Variants in RNF13 observed in about 807,000 individuals in gnomAD.
RNF13 encodes ring finger protein 13.
RNF13 carries 19 observed loss-of-function variants against 37.7 expected under a neutral mutation model. The ratio of observed to expected loss-of-function variants is 0.50; its 90% CI spans 0.35 to 0.74. RNF13 has a LOEUF of 0.74. RNF13 is among the 30% of genes least tolerant of loss of function. RNF13 has a pLI of 0.01. For missense variants in RNF13, 375 were observed against 453.0 expected (o/e 0.83, Z 1.56); for synonymous variants, 144 against 157.8 (o/e 0.91, Z 0.65).
intron 8 of RNF13, chr3:149,939,860 G>C: frequency 2.1e-6 from 1 of 467,224 alleles, no homozygotes; most frequent in South Asian, 1.8e-5. Context: ...TGCTGCTCCA[G>C]AGAACAGCCG....
At chr3:149,931,835 A>G (rs913213230) in intron 8 of RNF13, among the ~76,000 whole-genome samples, 6 of 152,102 alleles carry the variant, frequency 3.9e-5, no homozygotes, top group African/African-American at 1.4e-4. Context: ...GCCTCCCTTC[A>G]CTGCTCCCTT....
intron 6 of RNF13, 84 bp from the exon 7 acceptor site, chr3:149,911,894 T>A (rs1717033328): frequency 1.3e-6 from 1 of 767,938 alleles, no homozygotes; most frequent in Non-Finnish European, 2.3e-6. Context: ...TGTCTGTTTT[T>A]AAAAATATTT....
At chr3:149,868,050 A>G (rs1442913255) in intron 3 of RNF13, among the ~76,000 whole-genome samples, 1 of 151,958 alleles carries the variant, frequency 6.6e-6, no homozygotes, top group African/African-American at 2.4e-5. Flanking sequence ...GAAAATGAAA[A>G]AAAATCTTCT....
intron 8 of RNF13, among the ~76,000 whole-genome samples, chr3:149,952,237 T>C (rs1424336895): frequency 6.6e-6 from 1 of 152,130 alleles, no homozygotes; most frequent in Non-Finnish European, 1.5e-5. Context: ...CATTACTATT[T>C]TATTATTGAT....
chr3:149,863,303 G>A (rs1366941592), intron 3 of RNF13, among the ~76,000 whole-genome samples: 1 of 152,122 alleles, frequency 6.6e-6, no homozygotes, highest in African/African-American at 2.4e-5. Context: ...GGTCTTTTTT[G>A]TTGTGGTTGT....
At position 149,960,804 on chromosome 3, in the gene RNF13, G is replaced by A; in HGVS notation, c.846G>A (p.Lys282=). The part of the protein sequence containing the change: ...TKTKKTCPVC[K]QKVVPSQGDS... The stretch of plus-strand genomic sequence containing the variant: ...CCAAAAAAACCTGTCCAGTGTGCAA[G>A]CAAAAAGTTGTTCCTTCTCAAGGCG... The change falls in exon 10 of 10, where the codon AAG becomes AAA. Residue 282 remains lysine (K), a synonymous_variant. Transcript: ENST00000392894. 1 of 1,614,162 alleles carries A rather than the reference G, an allele frequency of 6.2e-7. No homozygotes were observed. Among genetic ancestry groups the A allele is most frequent in the Middle Eastern group, 1.6e-4 (1 of 6,062 alleles).
chr3:149,892,832 G>A (rs73870468), intron 4 of RNF13, among the ~76,000 whole-genome samples: 4,544 of 152,198 alleles, frequency 0.03, 81 homozygotes, highest in South Asian at 0.036. Flanking sequence ...GACCCCTGGG[G>A]TATGACATGT....
chr3:149,940,329 T>TG (rs1720124421), intron 8 of RNF13, among the ~76,000 whole-genome samples: 1 of 152,186 alleles, frequency 6.6e-6, no homozygotes, highest in Non-Finnish European at 1.5e-5. Context: ...ATTTCTACCC[T>TG]CCATCCCTTA....
At chr3:149,956,568 A>G (rs73157038) in intron 8 of RNF13, among the ~76,000 whole-genome samples, 18,024 of 152,242 alleles carry the variant, frequency 0.12, 1,061 homozygotes, top group African/African-American at 0.14. Context: ...AAGAGGAGAC[A>G]ATCTAAGTTC....
At chr3:149,915,764 C>G (rs1013022032) in intron 7 of RNF13, among the ~76,000 whole-genome samples, 3 of 152,140 alleles carry the variant, frequency 2.0e-5, no homozygotes, top group African/African-American at 7.2e-5. Context: ...AATACTGATT[C>G]TACTTACACG....
intron 4 of RNF13, among the ~76,000 whole-genome samples, chr3:149,887,477 T>G (rs1714181168): frequency 6.6e-6 from 1 of 152,186 alleles, no homozygotes; most frequent in Non-Finnish European, 1.5e-5. Flanking sequence ...ATTTTTAAAT[T>G]TTTTGTAGAG....
At chr3:149,947,997 A>G (rs1467904715) in intron 8 of RNF13, among the ~76,000 whole-genome samples, 2 of 151,824 alleles carry the variant, frequency 1.3e-5, no homozygotes, top group South Asian at 2.1e-4. Context: ...TCACCCAGGC[A>G]GGAGTGCAGT....
intron 3 of RNF13, among the ~76,000 whole-genome samples, chr3:149,855,764 A>G (rs1321124885): frequency 1.3e-5 from 2 of 151,912 alleles, no homozygotes; most frequent in Non-Finnish European, 2.9e-5. Context: ...AGGCTGTGCT[A>G]ATTTATTCCC....
intron 3 of RNF13, among the ~76,000 whole-genome samples, chr3:149,868,277 T>C (rs1228558622): frequency 6.6e-6 from 1 of 151,850 alleles, no homozygotes; most frequent in African/African-American, 2.4e-5. Context: ...TTTGTCTATG[T>C]ACTTAATTGT....
chr3:149,911,878 T>C, intron 6 of RNF13, 100 bp from the exon 7 acceptor site: 1 of 696,938 alleles, frequency 1.4e-6, no homozygotes. Context: ...AATTGTAATG[T>C]CTATATGTCT....
chr3:149,957,724 T>C (rs1721998326), intron 8 of RNF13, among the ~76,000 whole-genome samples: 1 of 152,334 alleles, frequency 6.6e-6, no homozygotes, highest in South Asian at 2.1e-4. Flanking sequence ...TGTAAATTAC[T>C]CTACTTGCAT....
rs539979714 is a variant in RNF13, at chr3:149,899,358, A to G, written c.410-2714A>G. The stretch of plus-strand genomic sequence containing the variant: ...CAGCTACTCAAGAGGCTGAACCACA[A>G]GAATCACTTGAACCTGGGAGGCGGA... On this transcript the variant is annotated intron_variant, in intron 5 of 9. Transcript: ENST00000392894. Among the ~76,000 whole-genome samples the G allele has an allele frequency of 1.6e-3, 241 of 152,342 alleles. 1 individual carries two copies. The highest frequency in any genetic ancestry group is 5.4e-3 in the African/African-American group (224 of 41,578).
intron 8 of RNF13, among the ~76,000 whole-genome samples, chr3:149,952,151 A>G (rs1034186797): frequency 3.9e-5 from 6 of 152,216 alleles, no homozygotes; most frequent in Non-Finnish European, 8.8e-5. Context: ...CATATTCTAC[A>G]TTAACAAGGT....
chr3:149,813,382 C>G (rs1665799778), intron 1 of RNF13, 29 bp downstream of exon 1: 2 of 152,204 alleles, frequency 1.3e-5, no homozygotes, highest in South Asian at 2.1e-4. Flanking sequence ...TCGCGGCAGC[C>G]GGGCAGCTCG....
Sources: gnomAD v4.1 joint callset for allele counts (sites outside exome capture counted in the v4.1 genomes callset) on GRCh38, gnomAD v4.1.1 for gene constraint, MANE v1.5 for transcripts, NCBI Gene and HGNC (gene_info 2026-07-23, HGNC 2026-07-21) for gene names.